GRIP1: variants seen among roughly 807,000 people sequenced by gnomAD.
GRIP1 encodes glutamate receptor-interacting protein 1.
A neutral mutation model predicts 129.9 loss-of-function variants in GRIP1; 45 were observed. The ratio of observed to expected loss-of-function variants is 0.35; its 90% CI spans 0.27 to 0.44. The LOEUF is 0.44. Ranked by LOEUF, GRIP1 falls within the 20% of genes least tolerant of loss-of-function variation. The probability of loss-of-function intolerance (pLI) is 1.00; values close to 1 mark genes in which losing one functional copy is unlikely to be tolerated. For missense variants in GRIP1, 1,196 were observed against 1,396.8 expected, an observed-to-expected ratio of 0.86 and a Z score of 2.29; for synonymous variants, 530 against 520.8, an observed-to-expected ratio of 1.02 and a Z score of -0.24.
chr12:66,864,288 T>C (rs2040163296), intron 1 of GRIP1, among the ~76,000 whole-genome samples: 1 of 151,946 alleles, frequency 6.6e-6, no homozygotes, highest in Non-Finnish European at 1.5e-5. Context: ...AAACTCCAAA[T>C]ATCAGAGACT....
intron 2 of GRIP1, chr12:66,568,231 TG>T (rs1210004745): frequency 5.4e-6 from 1 of 184,132 alleles, no homozygotes; most frequent in Non-Finnish European, 1.2e-5. Context: ...AATGACTTTT[TG>T]ACAATTGATT....
intron 19 of GRIP1, among the ~76,000 whole-genome samples, chr12:66,387,676 C>A (rs2056413350): frequency 6.6e-6 from 1 of 152,100 alleles, no homozygotes; most frequent in South Asian, 2.1e-4. Flanking sequence ...CACAGCAAAG[C>A]CATCACCTCT....
intron 2 of GRIP1, among the ~76,000 whole-genome samples, chr12:66,556,717 T>C (rs1388925596): frequency 1.3e-5 from 2 of 152,126 alleles, no homozygotes; most frequent in Non-Finnish European, 2.9e-5. Context: ...GTTTTCCTTT[T>C]GCATATTTGT....
At chr12:66,647,968 A>C (rs143818703) in intron 1 of GRIP1, among the ~76,000 whole-genome samples, 206 of 152,296 alleles carry the variant, frequency 1.4e-3, no homozygotes, top group African/African-American at 3.5e-3. Context: ...GAGTAGCTGC[A>C]TCTGTTTGAT....
chr12:66,993,658 G>A (rs2042426034), intron 1 of GRIP1, among the ~76,000 whole-genome samples: 1 of 151,790 alleles, frequency 6.6e-6, no homozygotes, highest in Non-Finnish European at 1.5e-5. Context: ...GGGCATAGTG[G>A]TGCACGGCCA....
At chr12:66,702,204 G>A (rs1235011265) in intron 1 of GRIP1, among the ~76,000 whole-genome samples, 3 of 152,112 alleles carry the variant, frequency 2.0e-5, no homozygotes, top group Admixed American at 6.6e-5. Context: ...TTATATTCAT[G>A]ATATTCCATT....
At chr12:66,713,901 A>T (rs1214335487) in intron 1 of GRIP1, among the ~76,000 whole-genome samples, 4 of 152,058 alleles carry the variant, frequency 2.6e-5, no homozygotes, top group Non-Finnish European at 5.9e-5. Context: ...TTATAAATGG[A>T]AACATTTTAA....
chr12:66,803,912 C>T (rs2038926420), intron 1 of GRIP1: 1 of 321,646 alleles, frequency 3.1e-6, no homozygotes, highest in Non-Finnish European at 6.3e-6. Flanking sequence ...TCAAGCAAAA[C>T]ATAGCACTTC....
At chr12:66,859,919 A>G (rs998116258) in intron 1 of GRIP1, among the ~76,000 whole-genome samples, 2 of 152,038 alleles carry the variant, frequency 1.3e-5, no homozygotes, top group Non-Finnish European at 2.9e-5. Context: ...AAGGTCCCCT[A>G]TCTGCAGCCA....
chr12:66,735,028 A>T (rs1264857809), intron 1 of GRIP1, among the ~76,000 whole-genome samples: 3 of 152,194 alleles, frequency 2.0e-5, no homozygotes, highest in Non-Finnish European at 4.4e-5. Context: ...CATGAATGAC[A>T]ATCCTGTGAG....
At chr12:66,642,071 G>C (rs1021244848) in intron 1 of GRIP1, among the ~76,000 whole-genome samples, 1 of 152,170 alleles carries the variant, frequency 6.6e-6, no homozygotes, top group Non-Finnish European at 1.5e-5. Context: ...GACCTTATCA[G>C]TCTCGTGGGG....
intron 1 of GRIP1, among the ~76,000 whole-genome samples, chr12:67,006,812 C>A (rs2042634277): frequency 6.6e-6 from 1 of 152,154 alleles, no homozygotes; most frequent in Non-Finnish European, 1.5e-5. Flanking sequence ...TTTACCCATG[C>A]ACAAAGTCAT....
intron 1 of GRIP1, among the ~76,000 whole-genome samples, chr12:67,052,844 C>T (rs1384402883): frequency 6.6e-6 from 1 of 152,030 alleles, no homozygotes; most frequent in African/African-American, 2.4e-5. Context: ...GTAGGTATTA[C>T]TATGGTTATT....
At chr12:66,751,478 G>C (rs549811851) in intron 1 of GRIP1, among the ~76,000 whole-genome samples, 21 of 152,208 alleles carry the variant, frequency 1.4e-4, no homozygotes, top group African/African-American at 5.1e-4. Context: ...ATTCAGGATT[G>C]TTTCTGCCAA....
At chr12:66,850,087 T>C (rs1023459594) in intron 1 of GRIP1, among the ~76,000 whole-genome samples, 2 of 152,100 alleles carry the variant, frequency 1.3e-5, no homozygotes, top group African/African-American at 2.4e-5. Flanking sequence ...AGAGCACATA[T>C]AGCTAAACAG....
chr12:66,954,716 A>T (rs895049311), intron 1 of GRIP1, among the ~76,000 whole-genome samples: 2 of 152,204 alleles, frequency 1.3e-5, no homozygotes, highest in African/African-American at 4.8e-5. Flanking sequence ...TTAGCACTTG[A>T]GTTGCATCAG....
At chr12:66,766,204 G>A (rs1346400919) in intron 1 of GRIP1, among the ~76,000 whole-genome samples, 1 of 152,170 alleles carries the variant, frequency 6.6e-6, no homozygotes, top group East Asian at 1.9e-4. Context: ...AAATCAAAGG[G>A]CTGAAGCTCC....
At chr12:66,902,593 G>A (rs2040860873) in intron 1 of GRIP1, among the ~76,000 whole-genome samples, 1 of 152,196 alleles carries the variant, frequency 6.6e-6, no homozygotes, top group African/African-American at 2.4e-5. Context: ...TCAGCTCAAA[G>A]TTGAGGTTAC....
intron 1 of GRIP1, chr12:67,069,030 G>T: frequency 8.4e-6 from 2 of 238,546 alleles, no homozygotes; most frequent in Non-Finnish European, 1.3e-5. Flanking sequence ...CTCCCTCCCC[G>T]GCCCCGCCGC....
Sources: allele counts gnomAD v4.1 joint callset (sites outside exome capture counted in the v4.1 genomes callset), GRCh38; gene constraint gnomAD v4.1.1; transcripts MANE v1.5; gene names NCBI Gene and HGNC (gene_info 2026-07-23, HGNC 2026-07-21).